The following STK33 variants were observed in gnomAD, a reference collection of about 807,000 sequenced individuals.
STK33 encodes serine/threonine-protein kinase 33.
A neutral mutation model predicts 58.0 loss-of-function variants in STK33; 52 were observed. That is an observed-to-expected ratio of 0.90 (90% CI 0.72 to 1.13). The LOEUF (loss-of-function observed/expected upper bound fraction) is 1.13, where lower values mean the gene tolerates loss of function less well. STK33 is among the 50% of genes most tolerant of loss of function. The pLI, the probability that STK33 is intolerant of heterozygous loss-of-function variation, is 0.00. For synonymous variants in STK33, 215 were observed against 200.1 expected, an observed-to-expected ratio of 1.07 and a Z score of -0.63; for missense variants, 630 against 604.2, an observed-to-expected ratio of 1.04 and a Z score of -0.45.
intron 14 of STK33, among the ~76,000 whole-genome samples, chr11:8,418,017 A>T (rs1941373162): frequency 6.6e-6 from 1 of 152,196 alleles, no homozygotes; most frequent in Admixed American, 6.5e-5. Flanking sequence ...AAGATCTGAA[A>T]CAATTTAAAT....
chr11:8,423,211 T>C (rs1473905703), intron 14 of STK33, among the ~76,000 whole-genome samples: 6 of 151,766 alleles, frequency 4.0e-5, no homozygotes, highest in African/African-American at 1.2e-4. Flanking sequence ...GAACCAAATA[T>C]TGACCTTGTT....
the STK33 span, among the ~76,000 whole-genome samples, chr11:8,348,896 CAT>C: frequency 6.6e-6 from 1 of 152,018 alleles, no homozygotes; most frequent in South Asian, 2.1e-4. Flanking sequence ...AAAAAAATCA[CAT>C]GACATTATTT....
chr11:8,499,174 A>G (rs1951306053), intron 1 of STK33, among the ~76,000 whole-genome samples: 1 of 152,206 alleles, frequency 6.6e-6, no homozygotes, highest in Admixed American at 6.5e-5. Flanking sequence ...AATTTTTGCA[A>G]TCTACCTATC....
At chr11:8,459,454 T>A (rs757304451) in intron 8 of STK33, among the ~76,000 whole-genome samples, 68 of 152,168 alleles carry the variant, frequency 4.5e-4, no homozygotes, top group Non-Finnish European at 8.2e-4. Context: ...TTTAGACTCC[T>A]GCTTGTACCC....
At chr11:8,497,563 T>C (rs369297673) in intron 1 of STK33, among the ~76,000 whole-genome samples, 5 of 152,186 alleles carry the variant, frequency 3.3e-5, no homozygotes, top group African/African-American at 1.2e-4. Context: ...TTGACCTCTC[T>C]GGGCTCAAGT....
chr11:8,353,299 T>C, the STK33 span, among the ~76,000 whole-genome samples: 1 of 152,222 alleles, frequency 6.6e-6, no homozygotes, highest in Non-Finnish European at 1.5e-5. Flanking sequence ...AGTCAATAGC[T>C]TGGGTTCTGA....
chr11:8,454,949 A>G, intron 9 of STK33, 117 bp from the exon 10 acceptor site: 2 of 1,040,272 alleles, frequency 1.9e-6, no homozygotes. Context: ...TTTGAGGGCC[A>G]AGCATAGTCT....
At chr11:8,481,748 C>T (rs939075289) in intron 1 of STK33, among the ~76,000 whole-genome samples, 26 of 152,210 alleles carry the variant, frequency 1.7e-4, no homozygotes, top group Non-Finnish European at 3.4e-4. Context: ...TAACTGCACC[C>T]CCATCTTATG....
At chr11:8,504,988 TC>T (rs1951770172) in intron 1 of STK33, among the ~76,000 whole-genome samples, 1 of 152,196 alleles carries the variant, frequency 6.6e-6, no homozygotes, top group African/African-American at 2.4e-5. Context: ...GCACATCTCT[TC>T]CCAACTCCAC....
intron 1 of STK33, among the ~76,000 whole-genome samples, chr11:8,513,663 C>T (rs530938694): frequency 1.1e-4 from 17 of 152,044 alleles, no homozygotes; most frequent in South Asian, 4.1e-4. Flanking sequence ...ACTTCAATCA[C>T]GGTAACTTTT....
At chr11:8,395,095 G>GTT (rs1849109199) in intron 15 of STK33, among the ~76,000 whole-genome samples, 1 of 152,060 alleles carries the variant, frequency 6.6e-6, no homozygotes. Flanking sequence ...ATTTCCATTG[G>GTT]TTGCAGGTCA....
At chr11:8,365,602 G>A in the STK33 span, among the ~76,000 whole-genome samples, 2 of 152,072 alleles carry the variant, frequency 1.3e-5, no homozygotes, top group East Asian at 3.8e-4. Context: ...CTATTCCTTG[G>A]ATCCCATTTA....
rs947277357 is a variant in STK33, at chr11:8,544,319, G to GTA, written c.-466+49762_-466+49763dup. On this transcript the variant is annotated intron_variant, in intron 1 of 15. Transcript: ENST00000687296. ...AATTTTATATATATATATAAAATAT[G>GTA]TATATATATATTTATAAAATTATAT... Among the ~76,000 whole-genome samples the GTA allele has an allele frequency of 7.5e-5, 11 of 146,400 alleles. No homozygotes were observed. In the South Asian group the frequency reaches 1.5e-3, roughly 20 times the overall value.
intron 1 of STK33, among the ~76,000 whole-genome samples, chr11:8,529,397 C>T (rs1458664037): frequency 1.3e-5 from 2 of 152,098 alleles, no homozygotes; most frequent in African/African-American, 2.4e-5. Flanking sequence ...AAAAGATATA[C>T]TGAGGTCTAG....
chr11:8,395,774 T>C (rs926655794), intron 15 of STK33, among the ~76,000 whole-genome samples: 4 of 152,228 alleles, frequency 2.6e-5, no homozygotes. Context: ...CATGACATTT[T>C]GCACGTTCGT....
Position 8,435,508 on chromosome 11 carries a change from T to G in STK33, c.1132A>C (p.Asn378His), listed in dbSNP as rs138159359. 6 of 1,469,040 alleles carry G rather than the reference T, an allele frequency of 4.1e-6. No homozygotes were observed. Among genetic ancestry groups the G allele is most frequent in the African/African-American group, 1.4e-5 (1 of 71,642 alleles). 91.0% of individuals were successfully genotyped at this position (1,469,040 alleles called of 1,614,324 possible). A position where few individuals can be genotyped will look rare whatever the true frequency, so the allele number is the denominator to read the frequency against. Residue 378 changes from asparagine to histidine, a missense_variant, in exon 14 of 16, where the codon AAC (asparagine) becomes CAC (histidine). Transcript: ENST00000687296. ...TTGTAACTTACTGTTAACCACTGGT[T>G]ATCTAGTAGTTCCTTAGCTGTGATT... ...HRITAKELLD[N>H]QWLTGNKLSS...
chr11:8,587,591 A>G (rs886921196), intron 1 of STK33, among the ~76,000 whole-genome samples: 1 of 145,928 alleles, frequency 6.9e-6, no homozygotes, highest in Non-Finnish European at 1.5e-5. Flanking sequence ...GGAAGGTAAA[A>G]AAAAAAAAAA....
chr11:8,337,154 T>C, the STK33 span, among the ~76,000 whole-genome samples: 1 of 152,226 alleles, frequency 6.6e-6, no homozygotes, highest in East Asian at 1.9e-4. Context: ...CCTTGCTTCC[T>C]AAGCAGGCTG....
intron 15 of STK33, among the ~76,000 whole-genome samples, chr11:8,411,201 G>GT (rs1342554740): frequency 6.6e-6 from 1 of 152,190 alleles, no homozygotes; most frequent in African/African-American, 2.4e-5. Flanking sequence ...TTATCTAGAT[G>GT]TCCTCGGCAT....
Sources: allele counts gnomAD v4.1 joint callset (sites outside exome capture counted in the v4.1 genomes callset), GRCh38; gene constraint gnomAD v4.1.1; transcripts MANE v1.5; gene names NCBI Gene and HGNC (gene_info 2026-07-23, HGNC 2026-07-21).